The following CCNJL variants were observed in gnomAD, a reference collection of about 807,000 sequenced individuals.
CCNJL encodes the protein cyclin J like.
A neutral mutation model predicts 33.4 loss-of-function variants in CCNJL; 33 were observed. The observed-to-expected ratio is 0.99, with a 90% CI of 0.75 to 1.32. The LOEUF (loss-of-function observed/expected upper bound fraction) is 1.32, where lower values mean the gene tolerates loss of function less well. Among genes scored for constraint, CCNJL ranks in the 40% most tolerant of loss-of-function variants. The pLI is 0.00. For missense variants in CCNJL, 512 were observed against 499.7 expected, an observed-to-expected ratio of 1.02 and a Z score of -0.23; for synonymous variants, 227 against 220.9, an observed-to-expected ratio of 1.03 and a Z score of -0.24.
At chr5:160,322,484 G>A (rs2113474412) in intron 1 of CCNJL, among the ~76,000 whole-genome samples, 1 of 152,300 alleles carries the variant, frequency 6.6e-6, no homozygotes, top group South Asian at 2.1e-4. Flanking sequence ...GTATATAAAG[G>A]GTGTTGAATA....
intron 1 of CCNJL, among the ~76,000 whole-genome samples, chr5:160,320,788 C>CCTTT (rs70990723): frequency 0.01 from 1,199 of 116,214 alleles, 19 homozygotes; most frequent in East Asian, 0.017. Flanking sequence ...TTCTTTCTTT[C>CCTTT]CTTTCTTTCT....
chr5:160,266,314 G>A (rs1394572759), intron 3 of CCNJL, among the ~76,000 whole-genome samples: 2 of 152,290 alleles, frequency 1.3e-5, no homozygotes, highest in Non-Finnish European at 2.9e-5. Flanking sequence ...GCAGGGCCAG[G>A]CTCAATAGAG....
intron 2 of CCNJL, among the ~76,000 whole-genome samples, chr5:160,285,972 T>C (rs1267378122): frequency 6.6e-6 from 1 of 152,206 alleles, no homozygotes; most frequent in Non-Finnish European, 1.5e-5. Flanking sequence ...CCTACAAGCT[T>C]GCAGACTACG....
Position 160,251,621 on chromosome 5 carries a change from C to T in CCNJL, c.*1757G>A, listed in dbSNP as rs73817358. 2.6e-3 allele frequency: 390 copies of T among 152,294 alleles called. 2 individuals are homozygous for T. The highest frequency in any genetic ancestry group is 8.7e-3 in the African/African-American group (359 of 41,488). The allele number at this position is 152,294 out of a possible 1,614,324, so 9.4% of individuals were successfully genotyped here. ...TGATTTGAGAGAGGGAAGGAGGGGCCGGCCCAAGAGGGGATGCCTAGGACA... is the reference window on the plus strand; with the variant it reads ...TGATTTGAGAGAGGGAAGGAGGGGCTGGCCCAAGAGGGGATGCCTAGGACA... On this transcript the variant is annotated 3_prime_UTR_variant, in exon 6 of 6. Coordinates refer to ENST00000257536, the MANE Select transcript of CCNJL (RefSeq NM_001308173.3).
rs1034190484 is a variant in CCNJL at position 160,312,550 on chromosome 5, G to C, written c.-236C>G. ...CCTGCGTGCGCTCGGGTCCCGCCGCGGCTCGCAGGCTCCCGGCCGCCGGGG... is the reference window on the plus strand; with the variant it reads ...CCTGCGTGCGCTCGGGTCCCGCCGCCGCTCGCAGGCTCCCGGCCGCCGGGG... On this transcript the variant is annotated 5_prime_UTR_variant, in exon 1 of 6. Coordinates refer to ENST00000257536, the MANE Select transcript of CCNJL (RefSeq NM_001308173.3). 4.0e-5 allele frequency: 6 copies of C among 151,584 alleles called. No individual in the cohort carries two copies. Among genetic ancestry groups the C allele is most frequent in the African/African-American group, 1.4e-4 (6 of 41,386 alleles). 9.4% of individuals were successfully genotyped at this position (151,584 alleles called of 1,614,324 possible). A position where few individuals can be genotyped will look rare whatever the true frequency, so the allele number is the denominator to read the frequency against.
chr5:160,323,531 A>G (rs1007687906), intron 1 of CCNJL, among the ~76,000 whole-genome samples: 4 of 152,186 alleles, frequency 2.6e-5, no homozygotes, highest in African/African-American at 9.7e-5. Flanking sequence ...TTCTCTGTGC[A>G]TTGTAAACAA....
intron 2 of CCNJL, among the ~76,000 whole-genome samples, chr5:160,307,397 G>A (rs945842325): frequency 6.6e-6 from 1 of 152,142 alleles, no homozygotes; most frequent in Admixed American, 6.5e-5. Context: ...AAGGGACAAG[G>A]AACGTGGCCC....
rs1760854402 is a variant in CCNJL, at chr5:160,252,600, C to T, written c.*778G>A. 1 of 152,610 alleles carries T rather than the reference C, an allele frequency of 6.6e-6. No individual in the cohort carries two copies. Among genetic ancestry groups the T allele is most frequent in the Non-Finnish European group, 1.5e-5 (1 of 68,026 alleles). 9.5% of individuals were successfully genotyped at this position (152,610 alleles called of 1,614,324 possible). A position where few individuals can be genotyped will look rare whatever the true frequency, so the allele number is the denominator to read the frequency against. ...GAAGCTCTGTGGTTACCTGCGGGTCCATCACAAGTTGGGTTCAAACTTGGG... is the reference window on the plus strand; with the variant it reads ...GAAGCTCTGTGGTTACCTGCGGGTCTATCACAAGTTGGGTTCAAACTTGGG... On this transcript the variant is annotated 3_prime_UTR_variant, in exon 6 of 6. Transcript: ENST00000257536.
chr5:160,264,560 G>GA (rs1580957179), intron 3 of CCNJL, among the ~76,000 whole-genome samples: 2 of 150,510 alleles, frequency 1.3e-5, no homozygotes, highest in East Asian at 3.9e-4. Flanking sequence ...TTTTTAATTA[G>GA]AAAAAACTTA....
chr5:160,331,466 C>T (rs1028662430), intron 1 of CCNJL, among the ~76,000 whole-genome samples: 5 of 151,586 alleles, frequency 3.3e-5, no homozygotes, highest in Admixed American at 2.0e-4. Context: ...CCTCGTGATC[C>T]GCCTGCCTCA....
At chr5:160,262,331 A>G (rs574366343) in intron 3 of CCNJL, among the ~76,000 whole-genome samples, 7 of 152,298 alleles carry the variant, frequency 4.6e-5, no homozygotes, top group Non-Finnish European at 1.0e-4. Flanking sequence ...CTCTGCTACC[A>G]GGCCCAAGAG....
intron 3 of CCNJL, among the ~76,000 whole-genome samples, chr5:160,274,670 A>T (rs944443062): frequency 1.3e-5 from 2 of 152,236 alleles, no homozygotes; most frequent in African/African-American, 4.8e-5. Context: ...CACGAAGGTC[A>T]GCACAGGATG....
At chr5:160,334,682 C>A (rs572816965) in intron 1 of CCNJL, among the ~76,000 whole-genome samples, 2 of 152,222 alleles carry the variant, frequency 1.3e-5, no homozygotes, top group Admixed American at 1.3e-4. Flanking sequence ...ACTGGCCTCT[C>A]GGGATCCATG....
chr5:160,305,057 G>A (rs1748625499), intron 2 of CCNJL, among the ~76,000 whole-genome samples: 1 of 152,020 alleles, frequency 6.6e-6, no homozygotes, highest in African/African-American at 2.4e-5. Context: ...CTCGTGAACC[G>A]CTCATCTCGG....
chr5:160,291,964 A>G (rs1257245585), intron 2 of CCNJL, among the ~76,000 whole-genome samples: 3 of 152,170 alleles, frequency 2.0e-5, no homozygotes, highest in Non-Finnish European at 4.4e-5. Context: ...CGACTTGGAA[A>G]TGGAACAGGT....
intron 2 of CCNJL, among the ~76,000 whole-genome samples, chr5:160,311,013 C>G (rs1190343028): frequency 6.6e-6 from 1 of 152,148 alleles, no homozygotes; most frequent in Non-Finnish European, 1.5e-5. Context: ...CCTAGGAAAC[C>G]AATCCATTCA....
At chr5:160,271,584 C>T (rs548477727) in intron 3 of CCNJL, among the ~76,000 whole-genome samples, 1 of 152,326 alleles carries the variant, frequency 6.6e-6, no homozygotes, top group Admixed American at 6.5e-5. Context: ...ATGTCCTCCG[C>T]TCACTGTGCT....
chr5:160,253,571 C>A lies in CCNJL; in HGVS notation c.971G>T (p.Gly324Val). 3.7e-6 allele frequency: 6 copies of A among 1,614,116 alleles called. No individual in the cohort carries two copies. Among genetic ancestry groups the A allele is most frequent in the Non-Finnish European group, 5.1e-6 (6 of 1,179,990 alleles). The part of the protein sequence containing the change: ...QAHRSGSLLS[G>V]STGSSLHTPY... ...GGTGTGGAGGGATGAGCCTGTACTC[C>A]CCGAGAGCAGGCTCCCTGAACGGTG... Residue 324 changes from glycine (G) to valine (V), a missense_variant, in exon 6 of 6, where the codon GGG becomes GTG. Transcript: ENST00000257536.
chr5:160,319,463 A>G (rs1051535918), intron 1 of CCNJL, among the ~76,000 whole-genome samples: 1 of 152,276 alleles, frequency 6.6e-6, no homozygotes, highest in African/African-American at 2.4e-5. Context: ...AGGCTTCCCT[A>G]CTTCCCAAAT....
Sources: allele counts gnomAD v4.1 joint callset (sites outside exome capture counted in the v4.1 genomes callset), GRCh38; gene constraint gnomAD v4.1.1; transcripts MANE v1.5; gene names NCBI Gene and HGNC (gene_info 2026-07-23, HGNC 2026-07-21).